Variants in ANKRD6 observed in about 807,000 individuals in gnomAD.
ANKRD6 encodes ankyrin repeat domain-containing protein 6.
ANKRD6 carries 56 observed loss-of-function variants against 82.3 expected under a neutral mutation model. That is an observed-to-expected ratio of 0.68 (90% CI 0.55 to 0.85). The LOEUF (loss-of-function observed/expected upper bound fraction) is 0.85. Among genes scored for constraint, ANKRD6 ranks in the 40% least tolerant of loss-of-function variants. The pLI is 0.00. For missense variants in ANKRD6, 852 were observed against 907.6 expected (o/e 0.94, Z 0.79); for synonymous variants, 347 against 352.1 (o/e 0.99, Z 0.16).
chr6:89,500,211 G>A (rs1382217217), intron 1 of ANKRD6, among the ~76,000 whole-genome samples: 1 of 152,098 alleles, frequency 6.6e-6, no homozygotes, highest in Non-Finnish European at 1.5e-5. Context: ...CAACACAGGG[G>A]CTAAGTTCTA....
intron 1 of ANKRD6, among the ~76,000 whole-genome samples, chr6:89,542,892 G>A (rs1784601255): frequency 6.6e-6 from 1 of 152,174 alleles, no homozygotes; most frequent in South Asian, 2.1e-4. Flanking sequence ...TCAGAAACTG[G>A]TAGCATTTTT....
Position 89,543,460 on chromosome 6 carries a change from C to T in ANKRD6, c.-143-23374C>T, listed in dbSNP as rs1157994351. Among the ~76,000 whole-genome samples, 3 of 152,168 alleles carry T rather than the reference C, an allele frequency of 2.0e-5. No homozygotes were observed. In the East Asian group the frequency reaches 5.8e-4, roughly 29 times the overall value. ...CCACTTGTCCCCTGGACTCCATAAG[C>T]CCCCACTCTAACGAGAGAACCACCA... On this transcript the variant is annotated intron_variant, in intron 1 of 15. Coordinates refer to ENST00000339746, the MANE Select transcript of ANKRD6 (RefSeq NM_001242809.2).
chr6:89,523,637 T>C (rs1782131904), intron 1 of ANKRD6, among the ~76,000 whole-genome samples: 1 of 152,166 alleles, frequency 6.6e-6, no homozygotes, highest in Non-Finnish European at 1.5e-5. Flanking sequence ...ATGCCCCAAG[T>C]ACCCATAGTG....
chr6:89,489,686 C>T (rs556291985), intron 1 of ANKRD6, among the ~76,000 whole-genome samples: 16 of 152,258 alleles, frequency 1.1e-4, no homozygotes, highest in South Asian at 2.1e-4. Context: ...ATGCCCATTT[C>T]GTTGGAGCTG....
At chr6:89,519,836 G>A (rs938462580) in intron 1 of ANKRD6, among the ~76,000 whole-genome samples, 4 of 152,174 alleles carry the variant, frequency 2.6e-5, no homozygotes, top group Non-Finnish European at 5.9e-5. Flanking sequence ...AATGCTATCT[G>A]TTAAAGAAAA....
chr6:89,603,611 A>C (rs1797783386), intron 4 of ANKRD6, among the ~76,000 whole-genome samples: 1 of 152,182 alleles, frequency 6.6e-6, no homozygotes. Context: ...GGGGTAAGGG[A>C]TGTGCCCCAG....
chr6:89,502,193 G>GGCA (rs1582951988), intron 1 of ANKRD6, among the ~76,000 whole-genome samples: 1 of 152,124 alleles, frequency 6.6e-6, no homozygotes, highest in East Asian at 1.9e-4. Flanking sequence ...CATATCTGGG[G>GGCA]TTTACACTGC....
intron 1 of ANKRD6, among the ~76,000 whole-genome samples, chr6:89,530,432 G>A (rs531776702): frequency 3.3e-5 from 5 of 151,790 alleles, no homozygotes; most frequent in Admixed American, 1.3e-4. Context: ...GTGAAGCGCC[G>A]TAAAATGAGA....
At chr6:89,602,084 C>A (rs1181695978) in intron 3 of ANKRD6, 1 of 152,292 alleles carries the variant, frequency 6.6e-6, no homozygotes, top group African/African-American at 2.4e-5. Flanking sequence ...GCAAGCCATG[C>A]ACAGCCCAGG....
intron 1 of ANKRD6, among the ~76,000 whole-genome samples, chr6:89,462,968 T>C (rs537231961): frequency 1.1e-4 from 16 of 151,786 alleles, no homozygotes; most frequent in Admixed American, 2.0e-4. Context: ...GCTCAAGTGA[T>C]CCTCCTGCCT....
intron 1 of ANKRD6, among the ~76,000 whole-genome samples, chr6:89,545,961 C>G (rs555074663): frequency 1.3e-5 from 2 of 152,212 alleles, no homozygotes; most frequent in African/African-American, 2.4e-5. Flanking sequence ...CCCACCACCA[C>G]GCCTGGTAAT....
At chr6:89,603,302 G>C (rs1169978916) in intron 4 of ANKRD6, among the ~76,000 whole-genome samples, 175 bp downstream of exon 4, 1 of 150,872 alleles carries the variant, frequency 6.6e-6, no homozygotes, top group Non-Finnish European at 1.5e-5. Flanking sequence ...ACACTATCTG[G>C]TATCCCAGCC....
rs1562705098 is a variant in ANKRD6 at position 89,519,659 on chromosome 6, T to C, written c.-143-47175T>C. The stretch of plus-strand genomic sequence containing the variant: ...TTGGAGGAGAGATTTGAAATATGGA[T>C]ATGAATTTGAAAGGCTTGGGCCTAC... On this transcript the variant is annotated intron_variant, in intron 1 of 15. Coordinates refer to ENST00000339746, the MANE Select transcript of ANKRD6 (RefSeq NM_001242809.2). Among the ~76,000 whole-genome samples, 4 of 152,324 alleles carry C rather than the reference T, an allele frequency of 2.6e-5. No homozygotes were observed. In the South Asian group the frequency reaches 6.2e-4, roughly 24 times the overall value.
intron 6 of ANKRD6, 46 bp from the exon 7 acceptor site, chr6:89,613,746 T>C (rs768688417): frequency 6.4e-7 from 1 of 1,559,736 alleles, no homozygotes; most frequent in South Asian, 1.1e-5. Context: ...CTCTATTTGT[T>C]TTGTAACTGC....
In ANKRD6 at chr6:89,630,934, T is replaced by G. The variant is rs1584031765; in HGVS notation, c.2114T>G (p.Leu705Trp). Residue 705 changes from leucine to tryptophan, a missense_variant, in exon 16 of 16, where the codon TTG (leucine) becomes TGG (tryptophan). Physicochemically the swap from Leu to Trp is moderately conservative, Grantham distance 61. Coordinates refer to ENST00000339746, the MANE Select transcript of ANKRD6 (RefSeq NM_001242809.2). ...NQKAQQDKATLKEHIKSLEEE... is the reference protein window; with the variant it reads ...NQKAQQDKATWKEHIKSLEEE... ...AAAGCCCAGCAAGATAAGGCTACAT[T>G]GAAGGAACACATTAAAAGTTTAGAA... The G allele has an allele frequency of 6.2e-7, 1 of 1,607,356 alleles. No individual in the cohort carries two copies. Among genetic ancestry groups the G allele is most frequent in the East Asian group, 2.2e-5 (1 of 44,786 alleles).
chr6:89,526,548 C>T (rs969809137), intron 1 of ANKRD6, among the ~76,000 whole-genome samples: 9 of 152,144 alleles, frequency 5.9e-5, no homozygotes, highest in African/African-American at 1.2e-4. Context: ...TTCAGATCTG[C>T]AAGAAACATA....
chr6:89,587,924 T>A (rs1204510439), intron 2 of ANKRD6, among the ~76,000 whole-genome samples: 1 of 152,382 alleles, frequency 6.6e-6, no homozygotes, highest in African/African-American at 2.4e-5. Context: ...TTTTCTTTGA[T>A]CGATGGTACT....
intron 1 of ANKRD6, among the ~76,000 whole-genome samples, chr6:89,476,973 C>T (rs964732505): frequency 6.6e-6 from 1 of 152,174 alleles, no homozygotes; most frequent in Admixed American, 6.5e-5. Flanking sequence ...GAGACGGAGT[C>T]TCGTTCTGTC....
intron 1 of ANKRD6, among the ~76,000 whole-genome samples, chr6:89,447,628 G>C (rs1772252354): frequency 6.6e-6 from 1 of 152,224 alleles, no homozygotes. Context: ...CTGACGAATA[G>C]ATTTTCAATG....
Sources: gnomAD v4.1 joint callset for allele counts (sites outside exome capture counted in the v4.1 genomes callset) on GRCh38, gnomAD v4.1.1 for gene constraint, MANE v1.5 for transcripts, NCBI Gene and HGNC (gene_info 2026-07-23, HGNC 2026-07-21) for gene names.